The following NUP43 variants were observed in gnomAD, a reference collection of about 807,000 sequenced individuals.
The protein encoded by NUP43 is nucleoporin 43.
NUP43 carries 32 observed loss-of-function variants against 47.3 expected under a neutral mutation model. The observed-to-expected ratio is 0.68, with a 90% CI of 0.51 to 0.91. The LOEUF (loss-of-function observed/expected upper bound fraction) is 0.91, where lower values mean the gene tolerates loss of function less well. Ranked by LOEUF, NUP43 falls within the 40% of genes least tolerant of loss-of-function variation. The probability of loss-of-function intolerance (pLI) is 0.00; values close to 1 mark genes in which losing one functional copy is unlikely to be tolerated. For missense variants in NUP43, 444 were observed against 453.9 expected, an observed-to-expected ratio of 0.98 and a Z score of 0.20; for synonymous variants, 147 against 158.4, an observed-to-expected ratio of 0.93 and a Z score of 0.54.
In NUP43 at chr6:149,727,143, G is replaced by C. The variant is rs757629198; in HGVS notation, c.969C>G (p.His323Gln). Reference protein sequence around the residue: ...SHSISNQANVHQSVISSWLST... With the variant: ...SHSISNQANVQQSVISSWLST... The stretch of plus-strand genomic sequence containing the variant: ...TGAGCCAGGAGCTAATGACAGACTG[G>C]TGAACATTAGCTTGGTTACTAATGC... The change falls in exon 8 of 8, where the codon CAC becomes CAG. Residue 323 changes from histidine to glutamine, a missense_variant. Transcript: ENST00000340413. The C allele has an allele frequency of 3.1e-6, 5 of 1,614,072 alleles. No homozygotes were observed. The highest frequency in any genetic ancestry group is 4.2e-6 in the Non-Finnish European group (5 of 1,180,014).
rs952932609 is a variant in NUP43 at position 149,731,669 on chromosome 6, A to G, written c.857T>C (p.Leu286Pro). Reference sequence around the variant, plus strand: ...ATCTGTGGAAGCATCCCAGTGCCAGAGGGATCCATCTTCAGAGCAGGTAAA... The same window carrying G: ...ATCTGTGGAAGCATCCCAGTGCCAGGGGGATCCATCTTCAGAGCAGGTAAA... ...HLFTCSEDGS[L>P]WHWDASTDVP... Residue 286 changes from leucine (L) to proline (P), a missense_variant, in exon 7 of 8, where the codon CTC becomes CCC. Coordinates refer to ENST00000340413, the MANE Select transcript of NUP43 (RefSeq NM_198887.3). 3.1e-6 allele frequency: 5 copies of G among 1,613,596 alleles called. No individual in the cohort carries two copies. In the African/African-American group the frequency reaches 6.7e-5, roughly 22 times the overall value.
At chr6:149,730,433 C>T (rs1462886147) in intron 7 of NUP43, among the ~76,000 whole-genome samples, 2 of 152,124 alleles carry the variant, frequency 1.3e-5, no homozygotes, top group Non-Finnish European at 2.9e-5. Flanking sequence ...GCATGAGGGT[C>T]CAGGTTAATG....
At chr6:149,746,649 G>A (rs924894476), upstream of NUP43, 3 of 1,572,596 alleles carry the variant, frequency 1.9e-6, no homozygotes, top group African/African-American at 1.4e-5. Flanking sequence ...TGTGGGCACA[G>A]TCAGTACCTA....
Position 149,735,229 on chromosome 6 carries a change from T to C in NUP43, c.790+1242A>G, listed in dbSNP as rs955482808. 5.3e-5 allele frequency among the ~76,000 whole-genome samples: 8 copies of C among 151,972 alleles called. No individual in the cohort carries two copies. The East Asian group carries it at 1.5e-3, about 29-fold the overall frequency. The stretch of plus-strand genomic sequence containing the variant: ...CCACTCACCTGGATTAAACTAGTAT[T>C]ATTAACTTTTTAAAGAGGTTATGTT... On this transcript the variant is annotated intron_variant, in intron 6 of 7. Coordinates refer to ENST00000340413, the MANE Select transcript of NUP43 (RefSeq NM_198887.3).
At position 149,738,681 on chromosome 6, in the gene NUP43, G is replaced by A; in HGVS notation, c.600C>T (p.Phe200=). 2 of 1,588,202 alleles carry A rather than the reference G, an allele frequency of 1.3e-6. No homozygotes were observed. The highest frequency in any genetic ancestry group is 1.7e-6 in the Non-Finnish European group (2 of 1,170,258). ...GAGAAGGCTCATTTCCTTGTTGTCT[G>A]AAATCCCATATTTTCAACTGTCCAA... ...NSIGQLKIWD[F]RQQGNEPSQI... Residue 200 remains phenylalanine (F), a synonymous_variant, in exon 5 of 8, where the codon TTC becomes TTT. Transcript: ENST00000340413.
At chr6:149,744,142 A>G (rs1057034984) in intron 2 of NUP43, among the ~76,000 whole-genome samples, 1 of 152,142 alleles carries the variant, frequency 6.6e-6, no homozygotes, top group African/African-American at 2.4e-5. Context: ...GGTTGTAGGG[A>G]AGTGGAGGTT....
In NUP43 at chr6:149,731,640, G is replaced by A; in HGVS notation, c.886C>T (p.Pro296Ser). 2 of 1,613,616 alleles carry A rather than the reference G, an allele frequency of 1.2e-6. No individual in the cohort carries two copies. Among genetic ancestry groups the A allele is most frequent in the Non-Finnish European group, 1.7e-6 (2 of 1,179,800 alleles). ...LWHWDASTDV[P>S]EKSSLFHQGG... is the part of the protein sequence containing the mutation. ...TGGTGAAAGAGTGACGACTTTTCAGGTACATCTGTGGAAGCATCCCAGTGC... is the reference window on the plus strand; with the variant it reads ...TGGTGAAAGAGTGACGACTTTTCAGATACATCTGTGGAAGCATCCCAGTGC... The change falls in exon 7 of 8, where the codon CCT becomes TCT. Residue 296 changes from proline to serine, a missense_variant. Physicochemically the swap from Pro to Ser is moderately conservative, Grantham distance 74. Transcript: ENST00000340413.
chr6:149,731,078 G>C (rs1420765272), intron 7 of NUP43, among the ~76,000 whole-genome samples: 1 of 152,110 alleles, frequency 6.6e-6, no homozygotes, highest in East Asian at 1.9e-4. Flanking sequence ...GACCAGCCTG[G>C]CCAACATAGC....
intron 5 of NUP43, among the ~76,000 whole-genome samples, chr6:149,738,119 C>A (rs76388260): frequency 1.3e-5 from 2 of 152,168 alleles, no homozygotes; most frequent in African/African-American, 2.4e-5. Flanking sequence ...GAATGAAAGA[C>A]AATCCGATGG....
intron 7 of NUP43, chr6:149,728,169 T>A: frequency 2.0e-6 from 2 of 985,212 alleles, no homozygotes; most frequent in Non-Finnish European, 2.4e-6. Flanking sequence ...AATTGAACTA[T>A]CCATGCCTCT....
At chr6:149,734,921 AATCT>A (rs1785244721) in intron 6 of NUP43, among the ~76,000 whole-genome samples, 1 of 152,052 alleles carries the variant, frequency 6.6e-6, no homozygotes, top group Non-Finnish European at 1.5e-5. Context: ...AAAGCTTATA[AATCT>A]ATTGTTCATG....
rs1786002687 is a variant in NUP43, at chr6:149,746,370, C to T, written c.120+6G>A. On this transcript the variant is annotated splice_donor_region_variant and intron_variant, in intron 1 of 7. Transcript: ENST00000340413. ...GGTAGGGGCTCGTCCCTATCAGCGG[C>T]GATACCTCATTGTCCCAAGATCCTG... is the stretch of plus-strand genomic sequence containing the variant. 1 of 1,613,184 alleles carries T rather than the reference C, an allele frequency of 6.2e-7. No individual in the cohort carries two copies. The highest frequency in any genetic ancestry group is 1.7e-5 in the Admixed American group (1 of 59,964).
intron 7 of NUP43, among the ~76,000 whole-genome samples, chr6:149,729,152 A>G (rs561845185): frequency 6.6e-6 from 1 of 152,022 alleles, no homozygotes; most frequent in African/African-American, 2.4e-5. Flanking sequence ...CACCACGTTC[A>G]GCTAATTTTT....
chr6:149,746,363 T>A lies in NUP43; in HGVS notation c.120+13A>T. 1.2e-6 allele frequency: 2 copies of A among 1,612,872 alleles called. No homozygotes were observed. The highest frequency in any genetic ancestry group is 4.5e-5 in the East Asian group (2 of 44,872). ...GGGAGGAGGTAGGGGCTCGTCCCTA[T>A]CAGCGGCGATACCTCATTGTCCCAA... On this transcript the variant is annotated intron_variant, in intron 1 of 7. Transcript: ENST00000340413.
At chr6:149,734,215 G>A (rs1359143804) in intron 6 of NUP43, among the ~76,000 whole-genome samples, 1 of 152,024 alleles carries the variant, frequency 6.6e-6, no homozygotes, top group African/African-American at 2.4e-5. Flanking sequence ...TATACCTGTA[G>A]TCCCAGCTAC....
rs1319580598 is a variant in NUP43, at chr6:149,727,088, T to C, written c.1024A>G (p.Ile342Val). The change falls in exon 8 of 8, where the codon ATC becomes GTC. Residue 342 changes from isoleucine (I) to valine (V), a missense_variant. Ile to Val is a conservative substitution (Grantham distance 29). Coordinates refer to ENST00000340413, the MANE Select transcript of NUP43 (RefSeq NM_198887.3). ...GACCTACTGGGAAGTAAGCTTGTGA[T>C]TTCAATTCGGTCTTTTGCAGGATCA... is the stretch of plus-strand genomic sequence containing the variant. ...STDPAKDRIEITSLLPSRSLS... is the reference protein window; with the variant it reads ...STDPAKDRIEVTSLLPSRSLS... 1 of 1,614,158 alleles carries C rather than the reference T, an allele frequency of 6.2e-7. No homozygotes were observed. Among genetic ancestry groups the C allele is most frequent in the Non-Finnish European group, 8.5e-7 (1 of 1,180,014 alleles).
At chr6:149,735,326 G>C (rs1325884274) in intron 6 of NUP43, among the ~76,000 whole-genome samples, 2 of 152,108 alleles carry the variant, frequency 1.3e-5, no homozygotes, top group East Asian at 3.8e-4. Flanking sequence ...GAGGAGCCTG[G>C]AACTACAGGC....
rs548090379 is a variant in NUP43 at position 149,727,793 on chromosome 6, G to A, written c.914-595C>T. On this transcript the variant is annotated intron_variant, in intron 7 of 7. Transcript: ENST00000340413. The stretch of plus-strand genomic sequence containing the variant: ...ATTATAAGGTTTTATCTCTAACAGC[G>A]CACTGTACTTACTATAGAATAAAGT... 8 of 982,798 alleles carry A rather than the reference G, an allele frequency of 8.1e-6. No individual in the cohort carries two copies. In the East Asian group the frequency reaches 3.4e-4, roughly 42 times the overall value. 60.9% of individuals were successfully genotyped at this position (982,798 alleles called of 1,614,324 possible).
chr6:149,737,469 G>A lies in NUP43; in HGVS notation c.639-847C>T, dbSNP rs143779949. On this transcript the variant is annotated intron_variant, in intron 5 of 7. Transcript: ENST00000340413. ...TTTAAGAAATTTTGGTAGAGATGGG[G>A]TCTCACTGTGTTGCCCTAGCTGGTC... Among the ~76,000 whole-genome samples, 78 of 152,218 alleles carry A rather than the reference G, an allele frequency of 5.1e-4. No homozygotes were observed. The East Asian group carries it at 0.014, about 27-fold the overall frequency.
Sources: gnomAD v4.1 joint callset for allele counts (sites outside exome capture counted in the v4.1 genomes callset) on GRCh38, gnomAD v4.1.1 for gene constraint, MANE v1.5 for transcripts, NCBI Gene and HGNC (gene_info 2026-07-23, HGNC 2026-07-21) for gene names.